Variants in CEP135 observed in about 807,000 individuals in gnomAD.
CEP135 encodes centrosomal protein of 135 kDa.
In CEP135, 142 loss-of-function variants were observed where a neutral mutation model predicts 157.3. That is an observed-to-expected ratio of 0.90 (90% CI 0.79 to 1.04). The LOEUF is 1.04. Among genes scored for constraint, CEP135 ranks in the 50% least tolerant of loss-of-function variants. CEP135 has a pLI of 0.00. For missense variants in CEP135, 1,317 were observed against 1,309.2 expected (o/e 1.01, Z -0.09); for synonymous variants, 396 against 439.8 (o/e 0.90, Z 1.25).
intron 2 of CEP135, 117 bp downstream of exon 2, chr4:55,952,360 T>A (rs1728383049): frequency 1.5e-6 from 1 of 646,944 alleles, no homozygotes; most frequent in Non-Finnish European, 2.7e-6. Context: ...CTTTCAATCA[T>A]GAAGCTTATC....
chr4:56,012,945 G>GT (rs1416213845), intron 21 of CEP135, among the ~76,000 whole-genome samples: 1 of 152,164 alleles, frequency 6.6e-6, no homozygotes, highest in Non-Finnish European at 1.5e-5. Context: ...ATAATTCTGT[G>GT]TTTAATTTTT....
At chr4:56,012,560 A>T (rs1392842267) in intron 21 of CEP135, among the ~76,000 whole-genome samples, 10 of 152,162 alleles carry the variant, frequency 6.6e-5, no homozygotes, top group Non-Finnish European at 1.0e-4. Flanking sequence ...AACTATCACC[A>T]TTATTTGTCA....
chr4:56,009,770 A>G lies in CEP135; in HGVS notation c.2372A>G (p.Glu791Gly), dbSNP rs943056445. The change falls in exon 19 of 26, where the codon GAG (glutamate) becomes GGG (glycine). Residue 791 changes from glutamate to glycine, a missense_variant. Glu to Gly is a moderately conservative substitution (Grantham distance 98). Coordinates refer to ENST00000257287, the MANE Select transcript of CEP135 (RefSeq NM_025009.5). ...LKETLVNRDR[E>G]INSLRRQLDA... ...GAAACATTGGTTAATCGAGATCGTG[A>G]GATAAACAGCCTCCGGCGCCAGCTT... 1 of 1,612,390 alleles carries G rather than the reference A, an allele frequency of 6.2e-7. No homozygotes were observed. The highest frequency in any genetic ancestry group is 2.2e-5 in the East Asian group (1 of 44,876).
At chr4:55,981,104 C>A in intron 12 of CEP135, 123 bp from the exon 13 acceptor site, 1 of 820,188 alleles carries the variant, frequency 1.2e-6, no homozygotes, top group Non-Finnish European at 1.8e-6. Context: ...TTGGGATTTG[C>A]GAAGAGAGTG....
At chr4:55,989,536 C>A (rs1030429923) in intron 14 of CEP135, among the ~76,000 whole-genome samples, 1 of 152,008 alleles carries the variant, frequency 6.6e-6, no homozygotes, top group Non-Finnish European at 1.5e-5. Flanking sequence ...ATAAATAGGA[C>A]CACATTGGCA....
At chr4:55,999,850 G>A (rs1181245860) in intron 17 of CEP135, among the ~76,000 whole-genome samples, 1 of 152,108 alleles carries the variant, frequency 6.6e-6, no homozygotes, top group East Asian at 1.9e-4. Flanking sequence ...CTCCTAGCCG[G>A]AAAAGTTTAT....
rs1370190796 is a variant in CEP135, at chr4:56,031,477, A to G, written c.*129A>G. The G allele has an allele frequency of 3.3e-5, 5 of 152,590 alleles. No homozygotes were observed. Among genetic ancestry groups the G allele is most frequent in the Admixed American group, 6.6e-5 (1 of 15,258 alleles). 9.5% of individuals were successfully genotyped at this position (152,590 alleles called of 1,614,324 possible). ...ATGGACACAAATTCTACCTCTGTCAACTTTTATTTAAATCAGTGAATATGT... is the reference window on the plus strand; with the variant it reads ...ATGGACACAAATTCTACCTCTGTCAGCTTTTATTTAAATCAGTGAATATGT... On this transcript the variant is annotated 3_prime_UTR_variant, in exon 26 of 26. Coordinates refer to ENST00000257287, the MANE Select transcript of CEP135 (RefSeq NM_025009.5).
intron 21 of CEP135, among the ~76,000 whole-genome samples, chr4:56,015,378 C>T (rs1730737161): frequency 6.6e-6 from 1 of 152,196 alleles, no homozygotes; most frequent in Non-Finnish European, 1.5e-5. Flanking sequence ...AAGGGCAACT[C>T]AGAGGCTGGT....
In CEP135 at chr4:55,991,149, G is replaced by T. The variant is rs548620301; in HGVS notation, c.1858-785G>T. On this transcript the variant is annotated intron_variant, in intron 14 of 25. Transcript: ENST00000257287. Reference sequence around the variant, plus strand: ...TGCCACCACGCCTAGCTAATTTTTTGTATTTTTTCGTAGGGATGGGGTTTC... The same window carrying T: ...TGCCACCACGCCTAGCTAATTTTTTTTATTTTTTCGTAGGGATGGGGTTTC... Among the ~76,000 whole-genome samples the T allele has an allele frequency of 3.9e-5, 6 of 151,926 alleles. No individual in the cohort carries two copies. In the South Asian group the frequency reaches 1.2e-3, roughly 32 times the overall value.
rs571665634 is a variant in CEP135, at chr4:56,001,041, C to A, written c.2280+1396C>A. 2.6e-5 allele frequency among the ~76,000 whole-genome samples: 4 copies of A among 152,214 alleles called. No individual in the cohort carries two copies. The South Asian group carries it at 6.2e-4, about 24-fold the overall frequency. On this transcript the variant is annotated intron_variant, in intron 17 of 25. Coordinates refer to ENST00000257287, the MANE Select transcript of CEP135 (RefSeq NM_025009.5). ...ATTTTTTCACATGCTTTTTGGCCATCTGTATATTTTCTTTTGAGAACTGTC... is the reference window on the plus strand; with the variant it reads ...ATTTTTTCACATGCTTTTTGGCCATATGTATATTTTCTTTTGAGAACTGTC...
chr4:56,011,943 T>A lies in CEP135; in HGVS notation c.2760T>A (p.His920Gln). The stretch of plus-strand genomic sequence containing the variant: ...TTTCTATTGACACTGAGAGGAGACA[T>A]CTTCGAGAAAGAGTGGAGCTATTAG... ...ELLSIDTERR[H>Q]LRERVELLEK... Residue 920 changes from histidine (H) to glutamine (Q), a missense_variant, in exon 21 of 26, where the codon CAT becomes CAA. By Grantham distance (24) the His-to-Gln change is conservative (BLOSUM62 0). Coordinates refer to ENST00000257287, the MANE Select transcript of CEP135 (RefSeq NM_025009.5). 1 of 1,580,678 alleles carries A rather than the reference T, an allele frequency of 6.3e-7. No homozygotes were observed. Among genetic ancestry groups the A allele is most frequent in the Admixed American group, 1.9e-5 (1 of 53,750 alleles).
Position 55,999,554 on chromosome 4 carries a change from G to C in CEP135, c.2189G>C (p.Gly730Ala). The C allele has an allele frequency of 5.0e-6, 8 of 1,611,806 alleles. No homozygotes were observed. The highest frequency in any genetic ancestry group is 5.9e-6 in the Non-Finnish European group (7 of 1,179,546). Residue 730 changes from glycine to alanine, a missense_variant, in exon 17 of 26, where the codon GGT becomes GCT. Coordinates refer to ENST00000257287, the MANE Select transcript of CEP135 (RefSeq NM_025009.5). ...EEAHVMKKTI[G>A]VIDKEKDFLQ... Reference sequence around the variant, plus strand: ...GCTCATGTAATGAAAAAGACCATTGGTGTTATTGATAAAGAAAAAGACTTT... The same window carrying C: ...GCTCATGTAATGAAAAAGACCATTGCTGTTATTGATAAAGAAAAAGACTTT...
At chr4:55,967,193 G>T (rs1178252862) in intron 8 of CEP135, among the ~76,000 whole-genome samples, 3 of 151,936 alleles carry the variant, frequency 2.0e-5, no homozygotes, top group Non-Finnish European at 2.9e-5. Flanking sequence ...AAGGTTCAAG[G>T]TGTTAATATT....
chr4:55,990,677 T>A lies in CEP135; in HGVS notation c.1858-1257T>A, dbSNP rs185970948. 9.0e-4 allele frequency among the ~76,000 whole-genome samples: 137 copies of A among 151,678 alleles called. 2 individuals are homozygous for A. In the East Asian group the frequency reaches 0.023, roughly 26 times the overall value. On this transcript the variant is annotated intron_variant, in intron 14 of 25. Transcript: ENST00000257287. The stretch of plus-strand genomic sequence containing the variant: ...ATGCCCGGCTAATTTAAAAAAAAAA[T>A]TTTATTGTAGAGACAGGGTCTCACT...
At chr4:55,975,522 T>G (rs1729174790) in intron 11 of CEP135, among the ~76,000 whole-genome samples, 3 of 152,236 alleles carry the variant, frequency 2.0e-5, no homozygotes, top group Admixed American at 6.5e-5. Context: ...AGATGTTCTC[T>G]CTATGTTATT....
intron 17 of CEP135, among the ~76,000 whole-genome samples, chr4:56,004,106 A>G (rs1730270393): frequency 1.3e-5 from 2 of 152,106 alleles, no homozygotes; most frequent in African/African-American, 2.4e-5. Flanking sequence ...GGTACATTAT[A>G]TTTCCCTTTT....
At chr4:55,974,370 CTT>C (rs1243598126) in intron 10 of CEP135, among the ~76,000 whole-genome samples, 1 of 152,062 alleles carries the variant, frequency 6.6e-6, no homozygotes, top group Non-Finnish European at 1.5e-5. Context: ...TAAATTCAAA[CTT>C]AATTTTAAGT....
In CEP135 at chr4:55,955,013, G is replaced by A. The variant is rs556328158; in HGVS notation, c.472+630G>A. Among the ~76,000 whole-genome samples, 326 of 152,120 alleles carry A rather than the reference G, an allele frequency of 2.1e-3. 2 individuals are homozygous for A. The highest frequency in any genetic ancestry group is 4.0e-3 in the Non-Finnish European group (271 of 67,990). ...GGAGGATTGCTTGAGCCTGGGAGGC[G>A]GAGGTTGCAGTGAGCTGAGATTGCA... On this transcript the variant is annotated intron_variant, in intron 4 of 25. Transcript: ENST00000257287.
At chr4:55,973,221 C>G (rs901227837) in intron 10 of CEP135, among the ~76,000 whole-genome samples, 1 of 152,138 alleles carries the variant, frequency 6.6e-6, no homozygotes, top group Non-Finnish European at 1.5e-5. Context: ...TGAGTGTGCA[C>G]CAGGCACATT....
Sources: allele counts gnomAD v4.1 joint callset (sites outside exome capture counted in the v4.1 genomes callset), GRCh38; gene constraint gnomAD v4.1.1; transcripts MANE v1.5; gene names NCBI Gene and HGNC (gene_info 2026-07-23, HGNC 2026-07-21).